CCNDBP1: variants seen among roughly 807,000 people sequenced by gnomAD.
The protein encoded by CCNDBP1 is cyclin D1 binding protein 1.
CCNDBP1 carries 45 observed loss-of-function variants against 46.2 expected under a neutral mutation model. That is an observed-to-expected ratio of 0.97 (90% CI 0.77 to 1.25). The LOEUF (loss-of-function observed/expected upper bound fraction) is 1.25. Ranked by LOEUF, CCNDBP1 falls within the 50% of genes most tolerant of loss-of-function variation. The probability of loss-of-function intolerance (pLI) is 0.00; values close to 1 mark genes in which losing one functional copy is unlikely to be tolerated. For synonymous variants in CCNDBP1, 154 were observed against 163.6 expected (o/e 0.94, Z 0.45); for missense variants, 436 against 442.1 (o/e 0.99, Z 0.12).
In CCNDBP1 at chr15:43,194,836, T is replaced by C. The variant is rs144954134; in HGVS notation, c.1078T>C (p.Leu360=). The C allele has an allele frequency of 2.3e-5, 37 of 1,596,714 alleles. No individual in the cohort carries two copies. The African/African-American group carries it at 4.6e-4, about 20-fold the overall frequency. The change falls in exon 11 of 11, where the codon TTA becomes CTA. Residue 360 remains leucine (L), a synonymous_variant. Transcript: ENST00000300213. ...GGAGCTCACTCAGAGTGAACTTGAA[T>C]TATGACTTTTCAGGCTCATTTGTAC... ...IKELTQSELE[L]
intron 9 of CCNDBP1, chr15:43,193,458 T>G (rs1233817786): frequency 6.6e-6 from 1 of 151,230 alleles, no homozygotes; most frequent in Non-Finnish European, 1.5e-5. Flanking sequence ...AGGCAGCAAT[T>G]AGATTGAACT....
intron 4 of CCNDBP1, chr15:43,189,616 C>A: frequency 3.1e-6 from 1 of 325,550 alleles, no homozygotes; most frequent in Non-Finnish European, 5.6e-6. Context: ...TTTCCTCCAC[C>A]CATGTTATAT....
chr15:43,191,144 C>CA, intron 7 of CCNDBP1, 102 bp downstream of exon 7: 1 of 961,534 alleles, frequency 1.0e-6, no homozygotes. Flanking sequence ...GTCCCATTCT[C>CA]ACTACTGTCC....
rs2042047785 is a variant in CCNDBP1 at position 43,197,098 on chromosome 15, G to C, written c.*2257G>C. Reference sequence around the variant, plus strand: ...CCTCCCTTCATCTTCCTGCATAAGTGGAAGCAGCCTGAAGCCCTCACTGTT... The same window carrying C: ...CCTCCCTTCATCTTCCTGCATAAGTCGAAGCAGCCTGAAGCCCTCACTGTT... On this transcript the variant is annotated 3_prime_UTR_variant, in exon 11 of 11. Transcript: ENST00000300213. 1 of 652,732 alleles carries C rather than the reference G, an allele frequency of 1.5e-6. No individual in the cohort carries two copies. 40.4% of individuals were successfully genotyped at this position (652,732 alleles called of 1,614,324 possible).
chr15:43,190,026 G>C (rs746788137), intron 4 of CCNDBP1, 29 bp from the exon 5 acceptor site: 1 of 1,591,834 alleles, frequency 6.3e-7, no homozygotes, highest in Non-Finnish European at 8.6e-7. Flanking sequence ...AAGAACACCA[G>C]GTTGCTTATT....
intron 1 of CCNDBP1, 54 bp from the exon 2 acceptor site, chr15:43,185,752 GAGGTGGCTCCGCTT>G: frequency 6.5e-7 from 1 of 1,540,472 alleles, no homozygotes; most frequent in South Asian, 1.2e-5. Context: ...TTGGGCGAGG[GAGGTGGCTCCGCTT>G]ACCTCAGCTT....
intron 5 of CCNDBP1, 25 bp from the exon 6 acceptor site, chr15:43,190,300 T>C (rs747954838): frequency 6.2e-7 from 1 of 1,612,236 alleles, no homozygotes; most frequent in African/African-American, 1.3e-5. Flanking sequence ...GTTATTAATA[T>C]ATCCTTACTG....
At chr15:43,194,217 T>C (rs982462087) in intron 9 of CCNDBP1, 198 bp from the exon 10 acceptor site, 3 of 508,598 alleles carry the variant, frequency 5.9e-6, no homozygotes, top group Admixed American at 7.5e-5. Context: ...GTTATAGCAA[T>C]AGTATTAATA....
intron 6 of CCNDBP1, among the ~76,000 whole-genome samples, chr15:43,190,606 G>A (rs1042349215): frequency 1.3e-5 from 2 of 151,968 alleles, no homozygotes; most frequent in Non-Finnish European, 2.9e-5. Flanking sequence ...CCTTGCTGTG[G>A]CTGTCTCTTG....
chr15:43,191,340 C>T (rs1304732734), intron 7 of CCNDBP1, 55 bp from the exon 8 acceptor site: 40 of 1,251,196 alleles, frequency 3.2e-5, no homozygotes, highest in African/African-American at 5.0e-5. Flanking sequence ...TAATAGGCCT[C>T]GCCTTTTTTT....
chr15:43,187,271 ATTTT>A (rs1444319407), intron 3 of CCNDBP1, among the ~76,000 whole-genome samples: 2 of 141,650 alleles, frequency 1.4e-5, no homozygotes, highest in Non-Finnish European at 1.6e-5. Context: ...TACCTTTGAG[ATTTT>A]TTTTTTTTTT....
Position 43,190,040 on chromosome 15 carries a change from T to TGTATAAGAATAAGCCACA in CCNDBP1, c.332-14_332-13insTATAAGAATAAGCCACAG. The TGTATAAGAATAAGCCACA allele has an allele frequency of 1.2e-6, 2 of 1,612,978 alleles. No individual in the cohort carries two copies. Among genetic ancestry groups the TGTATAAGAATAAGCCACA allele is most frequent in the Non-Finnish European group, 1.7e-6 (2 of 1,179,070 alleles). On this transcript the variant is annotated splice_polypyrimidine_tract_variant and intron_variant, in intron 4 of 10. Coordinates refer to ENST00000300213, the MANE Select transcript of CCNDBP1 (RefSeq NM_012142.5). ...AAAGAACACCAGGTTGCTTATTCTT[T>TGTATAAGAATAAGCCACA]GGGTTTGGCCACAGGGATCACCCTG...
Position 43,185,791 on chromosome 15 carries a change from G to T in CCNDBP1, c.110-29G>T, listed in dbSNP as rs1302350017. The stretch of plus-strand genomic sequence containing the variant: ...TACCTCAGCTTTTCCATTCGCCACC[G>T]TTCGGCCCCCACACGCCACACCCAC... On this transcript the variant is annotated intron_variant, in intron 1 of 10. Transcript: ENST00000300213. The T allele has an allele frequency of 2.5e-6, 4 of 1,606,538 alleles. No individual in the cohort carries two copies. In the African/African-American group the frequency reaches 4.0e-5, roughly 16 times the overall value.
chr15:43,193,990 T>A (rs1319410937), intron 9 of CCNDBP1: 1 of 333,350 alleles, frequency 3.0e-6, no homozygotes, highest in Non-Finnish European at 5.7e-6. Context: ...ATTGATATTT[T>A]ATATTAAACG....
At chr15:43,186,122 T>TG in intron 2 of CCNDBP1, 32 bp from the exon 3 acceptor site, 1 of 1,597,118 alleles carries the variant, frequency 6.3e-7, no homozygotes. Context: ...ACTAACGTAT[T>TG]GGCACCTGCC....
At position 43,190,345 on chromosome 15, in the gene CCNDBP1, T is replaced by C. The variant is rs776015310; in HGVS notation, c.449T>C (p.Ile150Thr). 50 of 1,614,086 alleles carry C rather than the reference T, an allele frequency of 3.1e-5. No individual in the cohort carries two copies. In the Admixed American group the frequency reaches 3.8e-4, roughly 12 times the overall value. ...PTQSPENNDL[I>T]SYNSVWVACQ... The stretch of plus-strand genomic sequence containing the variant: ...CCCAGCCCTGAGAACAATGACCTTA[T>C]TTCCTACAACAGTGTCTGGGTTGCG... The change falls in exon 6 of 11, where the codon ATT (isoleucine) becomes ACT (threonine). Residue 150 changes from isoleucine to threonine, a missense_variant. Physicochemically the swap from Ile to Thr is moderately conservative, Grantham distance 89. Coordinates refer to ENST00000300213, the MANE Select transcript of CCNDBP1 (RefSeq NM_012142.5).
chr15:43,194,299 C>T, intron 9 of CCNDBP1, 116 bp from the exon 10 acceptor site: 1 of 772,400 alleles, frequency 1.3e-6, no homozygotes, highest in Non-Finnish European at 2.0e-6. Context: ...ATTTTGCATA[C>T]TTCCTTCAGG....
Position 43,185,434 on chromosome 15 carries a change from G to A in CCNDBP1, c.-65G>A. On this transcript the variant is annotated 5_prime_UTR_variant, in exon 1 of 11. Coordinates refer to ENST00000300213, the MANE Select transcript of CCNDBP1 (RefSeq NM_012142.5). Reference sequence around the variant, plus strand: ...GCTGTGGCCCGGAAGTGGAGCGGCTGTCGCAGTGCGGCTCCGGCAGTGGCA... The same window carrying A: ...GCTGTGGCCCGGAAGTGGAGCGGCTATCGCAGTGCGGCTCCGGCAGTGGCA... The A allele has an allele frequency of 7.9e-7, 1 of 1,258,838 alleles. No individual in the cohort carries two copies. The allele number at this position is 1,258,838 out of a possible 1,614,324, so 78.0% of individuals were successfully genotyped here.
At chr15:43,194,058 T>TC (rs1205229449) in intron 9 of CCNDBP1, 70 of 339,420 alleles carry the variant, frequency 2.1e-4, no homozygotes, top group Non-Finnish European at 3.4e-4. Flanking sequence ...TTTTTTTTTT[T>TC]TTTTTTTTTT....
Sources: gnomAD v4.1 joint callset for allele counts (sites outside exome capture counted in the v4.1 genomes callset) on GRCh38, gnomAD v4.1.1 for gene constraint, MANE v1.5 for transcripts, NCBI Gene and HGNC (gene_info 2026-07-23, HGNC 2026-07-21) for gene names.